ANXA11: variants seen among roughly 807,000 people sequenced by gnomAD.
ANXA11 encodes the protein annexin A11.
ANXA11 carries 57 observed loss-of-function variants against 64.7 expected under a neutral mutation model. That is an observed-to-expected ratio of 0.88 (90% CI 0.71 to 1.10). The LOEUF (loss-of-function observed/expected upper bound fraction) is 1.10. ANXA11 is among the 50% of genes least tolerant of loss of function. The probability of loss-of-function intolerance (pLI) is 0.00; values close to 1 mark genes in which losing one functional copy is unlikely to be tolerated. For missense variants in ANXA11, 675 were observed against 670.7 expected, an observed-to-expected ratio of 1.01 and a Z score of -0.07; for synonymous variants, 260 against 265.2, an observed-to-expected ratio of 0.98 and a Z score of 0.19.
intron 1 of ANXA11, among the ~76,000 whole-genome samples, chr10:80,202,213 T>A (rs1479052155): frequency 6.8e-6 from 1 of 147,182 alleles, no homozygotes; most frequent in Non-Finnish European, 1.5e-5. Flanking sequence ...AAGCGGGGGG[T>A]CTCTGTGTGG....
At chr10:80,199,383 T>C (rs1840319783) in intron 1 of ANXA11, among the ~76,000 whole-genome samples, 2 of 152,134 alleles carry the variant, frequency 1.3e-5, no homozygotes, top group South Asian at 4.1e-4. Flanking sequence ...AGGCGTGAGC[T>C]ACCGCGCCCA....
intron 8 of ANXA11, among the ~76,000 whole-genome samples, chr10:80,165,795 C>T: frequency 6.6e-6 from 1 of 152,132 alleles, no homozygotes; most frequent in Non-Finnish European, 1.5e-5. Context: ...AACCTTCAAA[C>T]CCGAGCTCCC....
Position 80,155,948 on chromosome 10 carries a change from A to T in ANXA11, c.1459-36T>A, listed in dbSNP as rs78664479. On this transcript the variant is annotated intron_variant, in intron 15 of 15. Coordinates refer to ENST00000422982, the MANE Select transcript of ANXA11 (RefSeq NM_145868.2). Reference sequence around the variant, plus strand: ...AAACAAGGAAGACATCCGTTAAGGGAGGGACAGTCACTTTCAGCCTTCTGG... The same window carrying T: ...AAACAAGGAAGACATCCGTTAAGGGTGGGACAGTCACTTTCAGCCTTCTGG... The T allele has an allele frequency of 8.9e-4, 1,425 of 1,599,386 alleles. 7 individuals carry two copies. The African/African-American group carries it at 0.016, about 18-fold the overall frequency.
chr10:80,176,849 G>T (rs1466910018), intron 1 of ANXA11, among the ~76,000 whole-genome samples: 1 of 152,196 alleles, frequency 6.6e-6, no homozygotes, highest in Non-Finnish European at 1.5e-5. Flanking sequence ...ACCCCACTGT[G>T]AGCTGTGGTC....
chr10:80,167,070 T>TG (rs776264163), intron 6 of ANXA11, 86 bp from the exon 7 acceptor site: 44 of 1,327,882 alleles, frequency 3.3e-5, no homozygotes, highest in Non-Finnish European at 4.6e-5. Flanking sequence ...GCCCCTCAAC[T>TG]GTTCTGGGCA....
Position 80,172,832 on chromosome 10 carries a change from TG to T in ANXA11, c.29del (p.Pro10GlnfsTer141). On this transcript the variant is annotated frameshift_variant, in exon 3 of 16. Transcript: ENST00000422982. LOFTEE classifies it high-confidence loss of function. MSYPGYPPP[P>X]GGYPPAAPGG... is the part of the protein sequence containing the mutation. ...CTGGTGCAGCTGGTGGGTAGCCACC[TG>T]GGGGCGGGGGATAGCCAGGGTAGCT... 4 of 1,613,990 alleles carry T rather than the reference TG, an allele frequency of 2.5e-6. 1 individual carries two copies.
At chr10:80,195,069 G>C (rs1236845947) in intron 1 of ANXA11, among the ~76,000 whole-genome samples, 1 of 152,188 alleles carries the variant, frequency 6.6e-6, no homozygotes, top group African/African-American at 2.4e-5. Flanking sequence ...AGACTGAAGA[G>C]TGTGATGGCA....
chr10:80,159,693 CAG>C (rs886810236), intron 12 of ANXA11, among the ~76,000 whole-genome samples: 33 of 152,192 alleles, frequency 2.2e-4, no homozygotes, highest in African/African-American at 7.5e-4. Context: ...TCAAGGAAGT[CAG>C]AGTCTTCGTC....
At chr10:80,194,217 A>G (rs981352802) in intron 1 of ANXA11, among the ~76,000 whole-genome samples, 18 of 152,182 alleles carry the variant, frequency 1.2e-4, no homozygotes, top group African/African-American at 4.3e-4. Flanking sequence ...AATACAAAAA[A>G]TCTTAGTTTT....
chr10:80,161,845 A>AT, intron 12 of ANXA11, 90 bp downstream of exon 12: 2 of 1,163,682 alleles, frequency 1.7e-6, no homozygotes, highest in Non-Finnish European at 1.3e-6. Flanking sequence ...CGCAGGGAGG[A>AT]ACGACCAAGT....
rs746462635 is a variant in ANXA11, at chr10:80,167,319, C to T, written c.562-6G>A. ...ATGGTGCCTCGGCTTCCAAACTACT[C>T]GGACAAACAGTCTCAGGTAAGATGT... is the stretch of plus-strand genomic sequence containing the variant. On this transcript the variant is annotated splice_polypyrimidine_tract_variant and splice_region_variant and intron_variant, in intron 5 of 15. Coordinates refer to ENST00000422982, the MANE Select transcript of ANXA11 (RefSeq NM_145868.2). The T allele has an allele frequency of 1.4e-5, 22 of 1,613,868 alleles. No individual in the cohort carries two copies. Among genetic ancestry groups the T allele is most frequent in the South Asian group, 2.2e-5 (2 of 91,064 alleles).
chr10:80,180,783 A>T (rs1846328760), intron 1 of ANXA11, among the ~76,000 whole-genome samples: 1 of 152,128 alleles, frequency 6.6e-6, no homozygotes, highest in Admixed American at 6.6e-5. Context: ...GTATCCCCCA[A>T]AGTTCATGTG....
At chr10:80,162,246 T>A (rs1845544639) in intron 11 of ANXA11, among the ~76,000 whole-genome samples, 1 of 152,040 alleles carries the variant, frequency 6.6e-6, no homozygotes, top group Non-Finnish European at 1.5e-5. Context: ...ATCCCACAGG[T>A]CAAGATGAGG....
At chr10:80,167,360 C>T in intron 5 of ANXA11, 47 bp from the exon 6 acceptor site, 2 of 1,557,070 alleles carry the variant, frequency 1.3e-6, no homozygotes, top group South Asian at 1.1e-5. Context: ...ATGCCGCCTT[C>T]CCCACATTCA....
In ANXA11 at chr10:80,166,073, C is replaced by CACACACACGT. The variant is rs1371295135; in HGVS notation, c.858+10_858+11insACGTGTGTGT. 4 of 1,451,424 alleles carry CACACACACGT rather than the reference C, an allele frequency of 2.8e-6. No homozygotes were observed. The highest frequency in any genetic ancestry group is 3.9e-6 in the Non-Finnish European group (4 of 1,035,512). 89.9% of individuals were successfully genotyped at this position (1,451,424 alleles called of 1,614,324 possible). ...ACACACACACACACACACACACACA[C>CACACACACGT]ACGTACACACCTTGATGGCTTCCTT... On this transcript the variant is annotated intron_variant, in intron 8 of 15. Transcript: ENST00000422982.
At chr10:80,165,862 T>C (rs1443711949) in intron 8 of ANXA11, among the ~76,000 whole-genome samples, 1 of 152,074 alleles carries the variant, frequency 6.6e-6, no homozygotes, top group Non-Finnish European at 1.5e-5. Context: ...TGGTGCGTCA[T>C]TTGCCTCTTG....
chr10:80,183,094 T>C (rs1415127617), intron 1 of ANXA11, among the ~76,000 whole-genome samples: 1 of 152,194 alleles, frequency 6.6e-6, no homozygotes, highest in Non-Finnish European at 1.5e-5. Flanking sequence ...CCTGAGCTGA[T>C]GTGAGTGGCT....
At chr10:80,178,453 C>T (rs1174401696) in intron 1 of ANXA11, among the ~76,000 whole-genome samples, 2 of 152,194 alleles carry the variant, frequency 1.3e-5, no homozygotes, top group East Asian at 3.9e-4. Flanking sequence ...AGGATGGGTC[C>T]AATTCTTAGA....
intron 1 of ANXA11, among the ~76,000 whole-genome samples, chr10:80,200,896 T>C (rs1840390504): frequency 6.6e-6 from 1 of 152,026 alleles, no homozygotes; most frequent in African/African-American, 2.4e-5. Flanking sequence ...TGAATCCACT[T>C]TGTGAAAGAA....
Sources: allele counts gnomAD v4.1 joint callset (sites outside exome capture counted in the v4.1 genomes callset), GRCh38; gene constraint gnomAD v4.1.1; transcripts MANE v1.5; gene names NCBI Gene and HGNC (gene_info 2026-07-23, HGNC 2026-07-21).